PCDHGB1: variants seen among roughly 807,000 people sequenced by gnomAD.
PCDHGB1 encodes the protein protocadherin gamma-B1.
In PCDHGB1, 34 loss-of-function variants were observed where a neutral mutation model predicts 56.6. The ratio of observed to expected loss-of-function variants is 0.60; its 90% CI spans 0.46 to 0.80. PCDHGB1 has a LOEUF of 0.80. Ranked by LOEUF, PCDHGB1 falls within the 30% of genes least tolerant of loss-of-function variation. The pLI is 0.00. For synonymous variants in PCDHGB1, 561 were observed against 505.9 expected, an observed-to-expected ratio of 1.11 and a Z score of -1.46; for missense variants, 1,278 against 1,204.6, an observed-to-expected ratio of 1.06 and a Z score of -0.90.
chr5:141,384,410 A>G, intron 1 of PCDHGB1: 1 of 1,613,844 alleles, frequency 6.2e-7, no homozygotes, highest in Non-Finnish European at 8.5e-7. Flanking sequence ...GTGTCCTCCT[A>G]TGTCTCCATA....
intron 1 of PCDHGB1, chr5:141,439,845 T>C (rs983341549): frequency 6.6e-6 from 1 of 152,252 alleles, no homozygotes; most frequent in Non-Finnish European, 1.5e-5. Flanking sequence ...ACTCTAACTG[T>C]GGAAAAGGTG....
chr5:141,459,573 T>TTC (rs2098970689), intron 1 of PCDHGB1, among the ~76,000 whole-genome samples: 1 of 152,208 alleles, frequency 6.6e-6, no homozygotes, highest in Non-Finnish European at 1.5e-5. Context: ...CAAAACAGAA[T>TTC]TGTTTTGGGG....
chr5:141,487,475 C>T lies in PCDHGB1; in HGVS notation c.2410-7332C>T, dbSNP rs781308835. On this transcript the variant is annotated intron_variant, in intron 1 of 3. Coordinates refer to ENST00000523390, the MANE Select transcript of PCDHGB1 (RefSeq NM_018922.3). The surrounding 1 kb of genome is among the most constrained non-coding windows in gnomAD (Gnocchi z 5.0). ...TATCAAGTTTGTTGATGTGGGAGGC[C>T]ACTCTCATGGCTGTACACCCTTGGC... 1.2e-6 allele frequency: 2 copies of T among 1,614,156 alleles called. No homozygotes were observed. Among genetic ancestry groups the T allele is most frequent in the South Asian group, 1.1e-5 (1 of 91,080 alleles).
At chr5:141,422,639 C>A (rs777330051) in intron 1 of PCDHGB1, 1 of 1,612,780 alleles carries the variant, frequency 6.2e-7, no homozygotes, top group South Asian at 1.1e-5. Context: ...AGGGGTGCCT[C>A]CATCTTCTCA....
intron 1 of PCDHGB1, chr5:141,385,006 G>T (rs762264055): frequency 1.2e-6 from 2 of 1,614,090 alleles, no homozygotes; most frequent in Admixed American, 3.3e-5. Flanking sequence ...AGTCTCCTGC[G>T]TCTTCCTAGC....
At chr5:141,507,537 C>CA (rs140454890) in intron 3 of PCDHGB1, among the ~76,000 whole-genome samples, 3,617 of 152,286 alleles carry the variant, frequency 0.024, 53 homozygotes, top group East Asian at 0.043. Context: ...AGGCCAGAGA[C>CA]TGAGTATGAA....
chr5:141,364,578 G>C, intron 1 of PCDHGB1: 1 of 1,614,212 alleles, frequency 6.2e-7, no homozygotes, highest in Non-Finnish European at 8.5e-7. Flanking sequence ...CGAAGCGGCA[G>C]CTTGGTCACC....
intron 1 of PCDHGB1, chr5:141,365,322 C>T (rs1344591303): frequency 6.2e-7 from 1 of 1,613,958 alleles, no homozygotes; most frequent in South Asian, 1.1e-5. Flanking sequence ...GTTGCCAGCG[C>T]TAAGGTGGTG....
intron 1 of PCDHGB1, chr5:141,378,655 G>A (rs963845635): frequency 2.6e-5 from 4 of 152,084 alleles, no homozygotes; most frequent in Admixed American, 6.5e-5. Context: ...ATGTTAATGA[G>A]GTTCAAATAA....
intron 2 of PCDHGB1, among the ~76,000 whole-genome samples, chr5:141,502,358 TA>T (rs1283802909): frequency 6.6e-6 from 1 of 152,134 alleles, no homozygotes; most frequent in African/African-American, 2.4e-5. Context: ...ATGACATGGA[TA>T]TTTTTAAAGA....
rs1474849292 is a variant in PCDHGB1 at position 141,454,205 on chromosome 5, G to T, written c.2410-40602G>T. Among the ~76,000 whole-genome samples, 3 of 152,154 alleles carry T rather than the reference G, an allele frequency of 2.0e-5. No individual in the cohort carries two copies. The East Asian group carries it at 5.8e-4, about 29-fold the overall frequency. ...GGAGCTTAGTGAAGGTGAATTTATT[G>T]ACATGAATGAGAAAAGTAATTGTGA... On this transcript the variant is annotated intron_variant, in intron 1 of 3. Coordinates refer to ENST00000523390, the MANE Select transcript of PCDHGB1 (RefSeq NM_018922.3).
chr5:141,389,496 CCAGCGCT>C, intron 1 of PCDHGB1: 1 of 1,613,068 alleles, frequency 6.2e-7, no homozygotes, highest in Non-Finnish European at 8.5e-7. Context: ...CCAGGGCTCG[CCAGCGCT>C]CAGCGCGAAC....
At position 141,389,262 on chromosome 5, in the gene PCDHGB1, G is replaced by A. The variant is rs1017721134; in HGVS notation, c.2409+36593G>A. On this transcript the variant is annotated intron_variant, in intron 1 of 3. Coordinates refer to ENST00000523390, the MANE Select transcript of PCDHGB1 (RefSeq NM_018922.3). Reference sequence around the variant, plus strand: ...ACAGTCTTCCTATATAGTCCACGTGGCCGAGAACAACCCGCCTGGAGCCTC... The same window carrying A: ...ACAGTCTTCCTATATAGTCCACGTGACCGAGAACAACCCGCCTGGAGCCTC... 5 of 1,613,910 alleles carry A rather than the reference G, an allele frequency of 3.1e-6. No individual in the cohort carries two copies. The highest frequency in any genetic ancestry group is 1.3e-5 in the African/African-American group (1 of 74,940).
In PCDHGB1 at chr5:141,487,192, C is replaced by T. The variant is rs2099641028; in HGVS notation, c.2410-7615C>T. ...TAGAGGAAGACACTCATCCAGTTGT[C>T]CCAGATCTTCGAGAATCTTCAGCTC... On this transcript the variant is annotated intron_variant, in intron 1 of 3. Transcript: ENST00000523390. This position sits in a 1 kb window ranked among gnomAD's most constrained non-coding sequence, Gnocchi z 5.0. 15 of 1,613,748 alleles carry T rather than the reference C, an allele frequency of 9.3e-6. No individual in the cohort carries two copies. Among genetic ancestry groups the T allele is most frequent in the African/African-American group, 1.3e-5 (1 of 75,040 alleles).
chr5:141,449,528 G>C (rs1298713821), intron 1 of PCDHGB1, among the ~76,000 whole-genome samples: 1 of 149,040 alleles, frequency 6.7e-6, no homozygotes, highest in African/African-American at 2.5e-5. Context: ...GGCGGAGGTT[G>C]CAGTGAGCCG....
chr5:141,421,748 G>C, intron 1 of PCDHGB1: 1 of 1,613,944 alleles, frequency 6.2e-7, no homozygotes, highest in Non-Finnish European at 8.5e-7. Flanking sequence ...TACCAGCTCA[G>C]CCCTAATAAT....
intron 1 of PCDHGB1, among the ~76,000 whole-genome samples, chr5:141,463,438 C>CTTTTTTTTTTTTT (rs71576115): frequency 9.7e-6 from 1 of 103,256 alleles, no homozygotes; most frequent in Non-Finnish European, 1.9e-5. Context: ...TTTCCTTCTC[C>CTTTTTTTTTTTTT]TTTTTTTTTT....
At position 141,363,955 on chromosome 5, in the gene PCDHGB1, A is replaced by C. The variant is rs139714384; in HGVS notation, c.2409+11286A>C. 3.1e-4 allele frequency among the ~76,000 whole-genome samples: 47 copies of C among 152,356 alleles called. No individual in the cohort carries two copies. The East Asian group carries it at 8.9e-3, about 29-fold the overall frequency. ...TCTAATAATCATATTGATCTCAGGG[A>C]TTGTGGAAGTCTTGCTATTCAGAAT... On this transcript the variant is annotated intron_variant, in intron 1 of 3. Coordinates refer to ENST00000523390, the MANE Select transcript of PCDHGB1 (RefSeq NM_018922.3).
rs866649962 is a variant in PCDHGB1 at position 141,482,106 on chromosome 5, T to A, written c.2410-12701T>A. Reference sequence around the variant, plus strand: ...CTCCATCTCAAAAAAAAAAAAAAAATATCTAGAGATGGGAGAATCATATGG... The same window carrying A: ...CTCCATCTCAAAAAAAAAAAAAAAAAATCTAGAGATGGGAGAATCATATGG... On this transcript the variant is annotated intron_variant, in intron 1 of 3. Transcript: ENST00000523390. 2.5e-3 allele frequency among the ~76,000 whole-genome samples: 342 copies of A among 138,882 alleles called. 1 individual carries two copies. Among genetic ancestry groups the A allele is most frequent in the Middle Eastern group, 0.011 (3 of 272 alleles). 91.1% of individuals were successfully genotyped at this position (138,882 alleles called of 152,430 possible). A position where few individuals can be genotyped will look rare whatever the true frequency, so the allele number is the denominator to read the frequency against.
Sources: allele counts gnomAD v4.1 joint callset (sites outside exome capture counted in the v4.1 genomes callset), GRCh38; gene constraint gnomAD v4.1.1; non-coding constraint Gnocchi (gnomAD v3.1); transcripts MANE v1.5; gene names NCBI Gene and HGNC (gene_info 2026-07-23, HGNC 2026-07-21).